The following ANKRD31 variants were observed in gnomAD, a reference collection of about 807,000 sequenced individuals.
ANKRD31 encodes the protein ankyrin repeat domain 31.
Under a neutral mutation model 186.0 loss-of-function variants are expected in ANKRD31, and 147 were observed. The ratio of observed to expected loss-of-function variants is 0.79; its 90% CI spans 0.69 to 0.91. The LOEUF (loss-of-function observed/expected upper bound fraction) is 0.91, where lower values mean the gene tolerates loss of function less well. ANKRD31 is among the 40% of genes least tolerant of loss of function. The probability of loss-of-function intolerance (pLI) is 0.00; values close to 1 mark genes in which losing one functional copy is unlikely to be tolerated. For synonymous variants in ANKRD31, 673 were observed against 736.4 expected (o/e 0.91, Z 1.39); for missense variants, 1,986 against 2,148.8 (o/e 0.92, Z 1.50).
At chr5:75,075,067 T>C (rs1201829837) in intron 25 of ANKRD31, among the ~76,000 whole-genome samples, 1 of 152,238 alleles carries the variant, frequency 6.6e-6, no homozygotes, top group Non-Finnish European at 1.5e-5. Flanking sequence ...ATAAGTAAAA[T>C]GTATTATGAG....
intron 17 of ANKRD31, among the ~76,000 whole-genome samples, chr5:75,134,509 G>A (rs1005249313): frequency 6.6e-6 from 1 of 152,144 alleles, no homozygotes; most frequent in Admixed American, 6.6e-5. Context: ...CTCTGAAATT[G>A]AGGCAATAAT....
intron 12 of ANKRD31, among the ~76,000 whole-genome samples, chr5:75,151,978 T>G (rs940597044): frequency 6.6e-6 from 1 of 151,978 alleles, no homozygotes; most frequent in Non-Finnish European, 1.5e-5. Flanking sequence ...CCTGATACAA[T>G]GAATGAATGA....
intron 14 of ANKRD31, 71 bp downstream of exon 14, chr5:75,145,916 C>T: frequency 7.8e-7 from 1 of 1,282,302 alleles, no homozygotes; most frequent in Non-Finnish European, 1.0e-6. Context: ...GAATACAATT[C>T]AGTTGGAAAT....
chr5:75,200,191 C>T (rs1755724227), intron 5 of ANKRD31, among the ~76,000 whole-genome samples: 2 of 152,282 alleles, frequency 1.3e-5, no homozygotes, highest in South Asian at 2.1e-4. Flanking sequence ...TCACCCTGCC[C>T]CCTCTGAGCC....
At chr5:75,118,543 G>A (rs1189582465) in intron 17 of ANKRD31, among the ~76,000 whole-genome samples, 2 of 152,126 alleles carry the variant, frequency 1.3e-5, no homozygotes, top group African/African-American at 4.8e-5. Context: ...ATTGCAGTAA[G>A]AAGTAGGCAT....
In ANKRD31 at chr5:75,146,615, C is replaced by A. The variant is rs1218614701; in HGVS notation, c.2796G>T (p.Glu932Asp). The change falls in exon 14 of 26, where the codon GAG becomes GAT. Residue 932 changes from glutamate to aspartate, a missense_variant. Physicochemically the swap from Glu to Asp is conservative, Grantham distance 45. Transcript: ENST00000506364. ...TGGKKHYNFK[E>D]NLTNKKEMGF... ...CCATTTCTTTTTTATTTGTTAAATTCTCCTTAAAATTATAGTGTTTTTTGC... is the reference window on the plus strand; with the variant it reads ...CCATTTCTTTTTTATTTGTTAAATTATCCTTAAAATTATAGTGTTTTTTGC... 1.3e-6 allele frequency: 2 copies of A among 1,535,206 alleles called. No homozygotes were observed. The highest frequency in any genetic ancestry group is 8.7e-7 in the Non-Finnish European group (1 of 1,146,052).
intron 1 of ANKRD31, 57 bp downstream of exon 1, chr5:75,236,526 G>A: frequency 2.8e-6 from 4 of 1,451,228 alleles, no homozygotes; most frequent in Non-Finnish European, 3.7e-6. Context: ...CCCCTCAGAG[G>A]GCACCTGGGC....
At chr5:75,138,099 T>A in intron 16 of ANKRD31, 101 bp from the exon 17 acceptor site, 4 of 998,946 alleles carry the variant, frequency 4.0e-6, no homozygotes, top group Non-Finnish European at 5.4e-6. Flanking sequence ...GCAATATCCA[T>A]ATTGATTCAT....
chr5:75,208,262 T>G lies in ANKRD31; in HGVS notation c.327-1775A>C, dbSNP rs533255979. ...GGGGTTGGAAAAGGGAGGAGTATTT[T>G]AATAGCCTTTTTGGATAATTGTGAA... On this transcript the variant is annotated intron_variant, in intron 4 of 25. Coordinates refer to ENST00000506364, the MANE Select transcript of ANKRD31 (RefSeq NM_001372053.1). Among the ~76,000 whole-genome samples, 15 of 152,276 alleles carry G rather than the reference T, an allele frequency of 9.9e-5. No individual in the cohort carries two copies. In the South Asian group the frequency reaches 2.5e-3, roughly 25 times the overall value.
chr5:75,180,335 T>A (rs924359110), intron 10 of ANKRD31, among the ~76,000 whole-genome samples: 3 of 152,048 alleles, frequency 2.0e-5, no homozygotes, highest in Admixed American at 6.6e-5. Context: ...TTTAATGCCA[T>A]CCCCATCAAG....
chr5:75,165,375 A>T (rs900899044), intron 11 of ANKRD31, among the ~76,000 whole-genome samples: 2 of 152,230 alleles, frequency 1.3e-5, no homozygotes, highest in African/African-American at 4.8e-5. Context: ...TGGCATTGTT[A>T]GTAGTAATAT....
intron 12 of ANKRD31, among the ~76,000 whole-genome samples, chr5:75,152,940 C>T (rs1751937086): frequency 6.6e-6 from 1 of 151,832 alleles, no homozygotes; most frequent in Non-Finnish European, 1.5e-5. Flanking sequence ...CTTAATTCTG[C>T]TACCTTTGAG....
intron 10 of ANKRD31, among the ~76,000 whole-genome samples, chr5:75,177,511 C>A (rs988427908): frequency 1.3e-5 from 2 of 152,034 alleles, no homozygotes; most frequent in South Asian, 2.1e-4. Context: ...CAAAGGGAAG[C>A]CCATCAGACT....
intron 25 of ANKRD31, among the ~76,000 whole-genome samples, chr5:75,080,097 A>G (rs527520232): frequency 4.5e-4 from 65 of 144,694 alleles, no homozygotes; most frequent in Middle Eastern, 3.6e-3. Flanking sequence ...GATTCTGTCT[A>G]AAAAAAAAAA....
intron 10 of ANKRD31, among the ~76,000 whole-genome samples, chr5:75,175,059 A>G (rs1241926645): frequency 6.6e-6 from 1 of 152,236 alleles, no homozygotes; most frequent in Non-Finnish European, 1.5e-5. Flanking sequence ...ATAAAAAAGG[A>G]TGAGTTCATG....
At chr5:75,168,879 T>C (rs1030133892) in intron 11 of ANKRD31, 100 bp downstream of exon 11, 3 of 1,204,386 alleles carry the variant, frequency 2.5e-6, no homozygotes, top group Non-Finnish European at 3.3e-6. Flanking sequence ...AGAATGAAAT[T>C]AAACTAAAAT....
At chr5:75,080,770 T>C (rs1561398397) in intron 24 of ANKRD31, 131 bp from the exon 25 acceptor site, 1 of 485,210 alleles carries the variant, frequency 2.1e-6, no homozygotes, top group Non-Finnish European at 3.5e-6. Flanking sequence ...GAGAGATGAT[T>C]TAAAAAATAA....
intron 2 of ANKRD31, among the ~76,000 whole-genome samples, chr5:75,224,153 A>ATATATG (rs1757489011): frequency 3.7e-5 from 2 of 53,766 alleles, no homozygotes; most frequent in South Asian, 8.6e-4. Flanking sequence ...ATATATATAT[A>ATATATG]TATATATGTA....
intron 1 of ANKRD31, among the ~76,000 whole-genome samples, 200 bp from the exon 2 acceptor site, chr5:75,230,835 T>G (rs944720581): frequency 6.6e-6 from 1 of 152,228 alleles, no homozygotes; most frequent in African/African-American, 2.4e-5. Context: ...AGACTCATCA[T>G]GTTAATTTTA....
Sources: gnomAD v4.1 joint callset for allele counts (sites outside exome capture counted in the v4.1 genomes callset) on GRCh38, gnomAD v4.1.1 for gene constraint, MANE v1.5 for transcripts, NCBI Gene and HGNC (gene_info 2026-07-23, HGNC 2026-07-21) for gene names.